The following ITSN2 variants were observed in gnomAD, a reference collection of about 807,000 sequenced individuals.
The protein encoded by ITSN2 is intersectin 2, also known as intersectin-2.
Under a neutral mutation model 243.7 loss-of-function variants are expected in ITSN2, and 156 were observed. That is an observed-to-expected ratio of 0.64 (90% confidence interval 0.56 to 0.73). The LOEUF (loss-of-function observed/expected upper bound fraction) is 0.73. Among genes scored for constraint, ITSN2 ranks in the 30% least tolerant of loss-of-function variants. The pLI, the probability that ITSN2 is intolerant of heterozygous loss-of-function variation, is 0.00. For synonymous variants in ITSN2, 703 were observed against 699.9 expected (o/e 1.00, Z -0.07); for missense variants, 1,801 against 1,996.1 (o/e 0.90, Z 1.86).
At chr2:24,223,405 A>G (rs1670665134) in intron 29 of ITSN2, among the ~76,000 whole-genome samples, 1 of 152,112 alleles carries the variant, frequency 6.6e-6, no homozygotes, top group Non-Finnish European at 1.5e-5. Context: ...AAAAGAAATC[A>G]TAGACTGTGG....
intron 29 of ITSN2, among the ~76,000 whole-genome samples, chr2:24,243,676 C>T (rs1673002421): frequency 2.6e-5 from 4 of 152,086 alleles, no homozygotes; most frequent in Admixed American, 2.0e-4. Context: ...CCTATATTGA[C>T]GATCAGTCTT....
rs1681517940 is a variant in ITSN2, at chr2:24,300,023, T to G, written c.1230A>C (p.Glu410Asp). The G allele has an allele frequency of 1.9e-6, 3 of 1,614,120 alleles. No individual in the cohort carries two copies. The African/African-American group carries it at 4.0e-5, about 22-fold the overall frequency. Residue 410 changes from glutamate (E) to aspartate (D), a missense_variant, in exon 12 of 40, where the codon GAA (glutamate) becomes GAC (aspartate). This residue lies in a region of ITSN2 where 787 missense variants were observed against 803.9 expected (regional missense o/e 0.98). Transcript: ENST00000355123. ...GTTTCTTCCATTCTTGTTCTTGTAA[T>G]TCTCTCTGTTTTCGTTCCCACTCTT... Reference protein sequence around the residue: ...EKEEWERKQRELQEQEWKKQL... With the variant: ...EKEEWERKQRDLQEQEWKKQL...
chr2:24,291,609 C>T (rs1680266989), intron 15 of ITSN2, among the ~76,000 whole-genome samples: 2 of 151,742 alleles, frequency 1.3e-5, no homozygotes, highest in African/African-American at 2.4e-5. Flanking sequence ...CCTGCCTCAG[C>T]CTCCTGAGTA....
chr2:24,261,869 A>G (rs530662246), intron 20 of ITSN2, 127 bp from the exon 21 acceptor site: 1 of 597,736 alleles, frequency 1.7e-6, no homozygotes, highest in East Asian at 2.8e-5. Flanking sequence ...CAGCTAAGGC[A>G]TTTTCTACAA....
intron 23 of ITSN2, among the ~76,000 whole-genome samples, chr2:24,256,327 G>A (rs544294059): frequency 6.6e-6 from 1 of 152,324 alleles, no homozygotes; most frequent in Non-Finnish European, 1.5e-5. Flanking sequence ...CAGTGAAAGG[G>A]TCTTTAAAGA....
At position 24,298,704 on chromosome 2, in the gene ITSN2, G is replaced by T; in HGVS notation, c.1455C>A (p.Asn485Lys). Residue 485 changes from asparagine (N) to lysine (K), a missense_variant, in exon 13 of 40, where the codon AAC becomes AAA. Coordinates refer to ENST00000355123, the MANE Select transcript of ITSN2 (RefSeq NM_006277.3). ...CAAGATGAAGATTCTTCTTTTTAGA[G>T]TTTAACCTGACAATTTCTTCTTGTT... The part of the protein sequence containing the change: ...NREQEEIVRL[N>K]SKKKNLHLEL... 1 of 1,610,670 alleles carries T rather than the reference G, an allele frequency of 6.2e-7. No homozygotes were observed. The highest frequency in any genetic ancestry group is 8.5e-7 in the Non-Finnish European group (1 of 1,178,858).
chr2:24,320,937 T>C (rs1684496310), intron 2 of ITSN2, among the ~76,000 whole-genome samples: 1 of 152,162 alleles, frequency 6.6e-6, no homozygotes, highest in African/African-American at 2.4e-5. Context: ...AAATCAGACT[T>C]AGTCCCAGCC....
chr2:24,345,442 C>T (rs1687435251), intron 1 of ITSN2, among the ~76,000 whole-genome samples: 1 of 152,174 alleles, frequency 6.6e-6, no homozygotes, highest in African/African-American at 2.4e-5. Context: ...ATTATATAAA[C>T]GTATATATAC....
Position 24,267,549 on chromosome 2 carries a change from T to TTGGC in ITSN2, c.2355+3118_2355+3121dup, listed in dbSNP as rs1676822304. Among the ~76,000 whole-genome samples, 11 of 152,234 alleles carry TTGGC rather than the reference T, an allele frequency of 7.2e-5. No individual in the cohort carries two copies. In the South Asian group the frequency reaches 2.3e-3, roughly 32 times the overall value. On this transcript the variant is annotated intron_variant, in intron 20 of 39. Coordinates refer to ENST00000355123, the MANE Select transcript of ITSN2 (RefSeq NM_006277.3). The stretch of plus-strand genomic sequence containing the variant: ...TTTCTACCTCCCTTCACTGACGGAC[T>TTGGC]TGGCTGGCTGGCTGACTTTTCAGAC...
At chr2:24,325,568 A>T (rs1051310555) in intron 2 of ITSN2, among the ~76,000 whole-genome samples, 5 of 152,202 alleles carry the variant, frequency 3.3e-5, no homozygotes. Flanking sequence ...TCAAGTAAAA[A>T]TCTCCCAATC....
chr2:24,315,157 G>C lies in ITSN2; in HGVS notation c.99C>G (p.Leu33=). Residue 33 remains leucine, a synonymous_variant, in exon 3 of 40, where the codon CTC becomes CTG. Coordinates refer to ENST00000355123, the MANE Select transcript of ITSN2 (RefSeq NM_006277.3). ...CTGTTATGTAACCTCCTGAAGGTTTGAGGTTATCAAACTGCCTGTCATGCT... is the reference window on the plus strand; with the variant it reads ...CTGTTATGTAACCTCCTGAAGGTTTCAGGTTATCAAACTGCCTGTCATGCT... ...RTKHDRQFDN[L]KPSGGYITGD... 1 of 1,610,294 alleles carries C rather than the reference G, an allele frequency of 6.2e-7. No individual in the cohort carries two copies. The highest frequency in any genetic ancestry group is 8.5e-7 in the Non-Finnish European group (1 of 1,177,026).
At chr2:24,354,003 T>G (rs1006643733) in intron 1 of ITSN2, among the ~76,000 whole-genome samples, 3 of 152,230 alleles carry the variant, frequency 2.0e-5, no homozygotes, top group African/African-American at 7.2e-5. Flanking sequence ...ACATGGAAAC[T>G]GCTTATGTTC....
intron 1 of ITSN2, among the ~76,000 whole-genome samples, chr2:24,336,869 G>C (rs552092618): frequency 6.6e-6 from 1 of 152,034 alleles, no homozygotes; most frequent in Non-Finnish European, 1.5e-5. Flanking sequence ...AACATTTGCT[G>C]AACAAATGAA....
At chr2:24,302,292 G>T (rs1031467042) in intron 9 of ITSN2, among the ~76,000 whole-genome samples, 190 bp from the exon 10 acceptor site, 7 of 151,956 alleles carry the variant, frequency 4.6e-5, no homozygotes, top group Non-Finnish European at 8.8e-5. Context: ...TCCGCCTCCC[G>T]GGTTCACGCC....
At chr2:24,221,116 G>T in intron 29 of ITSN2, 50 bp from the exon 30 acceptor site, 1 of 1,561,826 alleles carries the variant, frequency 6.4e-7, no homozygotes, top group Non-Finnish European at 8.7e-7. Context: ...CAACTTTGTA[G>T]AAAATAGACA....
intron 31 of ITSN2, among the ~76,000 whole-genome samples, chr2:24,217,549 T>G (rs529653144): frequency 2.4e-4 from 36 of 152,268 alleles, no homozygotes; most frequent in African/African-American, 7.9e-4. Flanking sequence ...GGATAGAGAC[T>G]TAGGAGGCCA....
rs771723341 is a variant in ITSN2, at chr2:24,212,508, G to A, written c.4089+142C>T. On this transcript the variant is annotated intron_variant, in intron 33 of 39. Transcript: ENST00000355123. The stretch of plus-strand genomic sequence containing the variant: ...ACACACACACAGGCATCTGGTCCCC[G>A]GGACAGTGGGATCACTTGTGCGGTG... 5.5e-4 allele frequency: 333 copies of A among 610,300 alleles called. 1 individual carries two copies. The highest frequency in any genetic ancestry group is 1.4e-3 in the Middle Eastern group (3 of 2,176). 37.8% of individuals were successfully genotyped at this position (610,300 alleles called of 1,614,324 possible).
At chr2:24,315,024 A>C in intron 3 of ITSN2, 108 bp downstream of exon 3, 1 of 478,554 alleles carries the variant, frequency 2.1e-6, no homozygotes, top group Non-Finnish European at 3.8e-6. Flanking sequence ...GATTGATATG[A>C]ATTTTATCGT....
chr2:24,208,897 G>A (rs137995875), intron 36 of ITSN2, among the ~76,000 whole-genome samples: 246 of 152,348 alleles, frequency 1.6e-3, no homozygotes, highest in African/African-American at 5.7e-3. Flanking sequence ...TGTGGGGAGA[G>A]ACTAGAAGCC....
Sources: gnomAD v4.1 joint callset for allele counts (sites outside exome capture counted in the v4.1 genomes callset) on GRCh38, gnomAD v4.1.1 for gene constraint, gnomAD v4.1.1 regional missense constraint, MANE v1.5 for transcripts, NCBI Gene and HGNC (gene_info 2026-07-23, HGNC 2026-07-21) for gene names.